Variants in REXO5 observed in about 807,000 individuals in gnomAD.
The protein encoded by REXO5 is exonuclease NEF-sp.
A neutral mutation model predicts 88.5 loss-of-function variants in REXO5; 48 were observed. That is an observed-to-expected ratio of 0.54 (90% CI 0.43 to 0.69). The LOEUF is 0.69. Among genes scored for constraint, REXO5 ranks in the 30% least tolerant of loss-of-function variants. REXO5 has a pLI of 0.00. For missense variants in REXO5, 749 were observed against 912.2 expected (o/e 0.82, Z 2.30); for synonymous variants, 311 against 336.5 (o/e 0.92, Z 0.83).
At chr16:20,840,252 T>C in intron 14 of REXO5, 79 bp from the exon 15 acceptor site, 8 of 1,253,000 alleles carry the variant, frequency 6.4e-6, no homozygotes, top group Non-Finnish European at 8.6e-6. Context: ...CTTTGGTGAA[T>C]AATCCCATGC....
rs1476958485 is a variant in REXO5, at chr16:20,821,893, C to T, written c.607C>T (p.Pro203Ser). Residue 203 changes from proline (P) to serine (S), a missense_variant, in exon 6 of 20, where the codon CCA becomes TCA. Coordinates refer to ENST00000261377, the MANE Select transcript of REXO5 (RefSeq NM_030941.3). ...TKEEMRTFHF[P>S]LQGFPDCENF... is the part of the protein sequence containing the mutation. ...GGAGGAAATGAGAACGTTTCACTTT[C>T]CATTACAAGGTTGGCTTAGGCTTAC... 1 of 1,579,514 alleles carries T rather than the reference C, an allele frequency of 6.3e-7. No homozygotes were observed. Among genetic ancestry groups the T allele is most frequent in the Non-Finnish European group, 8.6e-7 (1 of 1,167,698 alleles).
intron 19 of REXO5, among the ~76,000 whole-genome samples, chr16:20,847,401 A>T (rs1596619397): frequency 1.3e-5 from 2 of 149,556 alleles, no homozygotes; most frequent in Non-Finnish European, 3.0e-5. Context: ...GCACCACTGC[A>T]CTCCAGCCTG....
chr16:20,834,487 C>T (rs550588072), intron 13 of REXO5, among the ~76,000 whole-genome samples: 2 of 152,152 alleles, frequency 1.3e-5, no homozygotes, highest in South Asian at 2.1e-4. Flanking sequence ...TTGCAATTTG[C>T]GGGTTTATCA....
At chr16:20,844,890 G>C in intron 17 of REXO5, 45 bp downstream of exon 17, 1 of 1,579,800 alleles carries the variant, frequency 6.3e-7, no homozygotes, top group Non-Finnish European at 8.7e-7. Flanking sequence ...GGAAACTGGG[G>C]ATGGTGATAA....
In REXO5 at chr16:20,827,150, C is replaced by T. The variant is rs781036445; in HGVS notation, c.914C>T (p.Ala305Val). 2.5e-6 allele frequency: 4 copies of T among 1,614,054 alleles called. No individual in the cohort carries two copies. The highest frequency in any genetic ancestry group is 1.7e-6 in the Non-Finnish European group (2 of 1,179,988). The change falls in exon 9 of 20, where the codon GCT (alanine) becomes GTT (valine). Residue 305 changes from alanine to valine, a missense_variant. Coordinates refer to ENST00000261377, the MANE Select transcript of REXO5 (RefSeq NM_030941.3). ...RQLKALLPPD[A>V]VLVGHSLDLD... ...TTAAAAGCACTGCTTCCTCCTGATG[C>T]TGTGTTAGTGGGCCACTCCTTAGAT...
rs752930395 is a variant in REXO5, at chr16:20,807,142, G to A, written c.138+51G>A. ...CGGCCCTAGGCGGTTTGGAGCTCCC[G>A]GACCCTCGCCCAACCGCCGTCGGGG... is the stretch of plus-strand genomic sequence containing the variant. On this transcript the variant is annotated intron_variant, in intron 2 of 19. Transcript: ENST00000261377. 8 of 1,554,114 alleles carry A rather than the reference G, an allele frequency of 5.1e-6. 1 individual carries two copies. In the South Asian group the frequency reaches 9.6e-5, roughly 19 times the overall value.
intron 2 of REXO5, among the ~76,000 whole-genome samples, chr16:20,811,302 T>C (rs1035434933): frequency 3.3e-5 from 5 of 152,220 alleles, no homozygotes; most frequent in Admixed American, 1.3e-4. Flanking sequence ...TGGCATATTC[T>C]TTCAGGAGTT....
chr16:20,825,976 C>A, intron 8 of REXO5, 28 bp downstream of exon 8: 12 of 1,420,522 alleles, frequency 8.4e-6, no homozygotes, highest in South Asian at 1.2e-5. Flanking sequence ...TGCAGCTCTT[C>A]TAAGAGCTAT....
chr16:20,833,429 C>T (rs768225844), intron 13 of REXO5, among the ~76,000 whole-genome samples: 2 of 152,048 alleles, frequency 1.3e-5, no homozygotes, highest in South Asian at 4.1e-4. Flanking sequence ...TATATCCTTT[C>T]GATTTTTTCT....
intron 13 of REXO5, among the ~76,000 whole-genome samples, chr16:20,833,425 CT>C (rs1410669322): frequency 6.6e-6 from 1 of 152,198 alleles, no homozygotes; most frequent in African/African-American, 2.4e-5. Flanking sequence ...TGGCTATATC[CT>C]TTCGATTTTT....
At chr16:20,823,510 T>G (rs1039385189) in intron 6 of REXO5, 32 of 152,224 alleles carry the variant, frequency 2.1e-4, no homozygotes, top group African/African-American at 7.5e-4. Context: ...TGCTAACACC[T>G]ATAAAACACC....
intron 14 of REXO5, 42 bp downstream of exon 14, chr16:20,839,901 A>T: frequency 8.1e-7 from 1 of 1,239,390 alleles, no homozygotes; most frequent in Non-Finnish European, 1.2e-6. Flanking sequence ...TTAGTGACTT[A>T]TTATAACCTC....
In REXO5 at chr16:20,825,961, T is replaced by G; in HGVS notation, c.821+13T>G. 6.4e-7 allele frequency: 1 copy of G among 1,554,320 alleles called. No homozygotes were observed. Among genetic ancestry groups the G allele is most frequent in the Non-Finnish European group, 8.9e-7 (1 of 1,127,604 alleles). On this transcript the variant is annotated intron_variant, in intron 8 of 19. Transcript: ENST00000261377. ...ACTACCTCACCAGGTATTTTTCACC[T>G]TGCCTGCAGCTCTTCTAAGAGCTAT...
chr16:20,824,622 A>C, intron 7 of REXO5, 95 bp downstream of exon 7: 1 of 763,136 alleles, frequency 1.3e-6, no homozygotes, highest in Non-Finnish European at 2.3e-6. Context: ...GAACGAATAC[A>C]TTCATTTTTA....
At chr16:20,811,736 A>G (rs938570039) in intron 2 of REXO5, among the ~76,000 whole-genome samples, 6 of 152,224 alleles carry the variant, frequency 3.9e-5, no homozygotes, top group Admixed American at 1.3e-4. Flanking sequence ...AATGATCAGA[A>G]CTGTGTTTCG....
chr16:20,820,633 T>C (rs1056357756), intron 5 of REXO5, among the ~76,000 whole-genome samples: 19 of 134,690 alleles, frequency 1.4e-4, no homozygotes, highest in Non-Finnish European at 2.6e-4. Flanking sequence ...GCACAATCTC[T>C]GCTCACTGCA....
chr16:20,809,471 GA>G (rs1301082049), intron 2 of REXO5, among the ~76,000 whole-genome samples: 2 of 152,258 alleles, frequency 1.3e-5, no homozygotes, highest in African/African-American at 4.8e-5. Context: ...GTCTTCCCTT[GA>G]TATTCATGAC....
chr16:20,812,047 T>C (rs992744604), intron 2 of REXO5, among the ~76,000 whole-genome samples: 2 of 152,250 alleles, frequency 1.3e-5, no homozygotes, highest in African/African-American at 4.8e-5. Context: ...CTAACCGCTA[T>C]GCTCTGCTGC....
chr16:20,827,275 TTC>T, intron 9 of REXO5, 76 bp from the exon 10 acceptor site: 2 of 1,603,948 alleles, frequency 1.2e-6, no homozygotes, highest in Non-Finnish European at 1.7e-6. Flanking sequence ...TCTTGGGCTC[TTC>T]TCTCCCACCC....
Sources: gnomAD v4.1 joint callset for allele counts (sites outside exome capture counted in the v4.1 genomes callset) on GRCh38, gnomAD v4.1.1 for gene constraint, MANE v1.5 for transcripts, NCBI Gene and HGNC (gene_info 2026-07-23, HGNC 2026-07-21) for gene names.